NSL1: variants seen among roughly 807,000 people sequenced by gnomAD.
NSL1 encodes NSL1 component of MIS12 kinetochore complex, also known as kinetochore-associated protein NSL1 homolog.
Under a neutral mutation model 25.4 loss-of-function variants are expected in NSL1, and 11 were observed. The observed-to-expected ratio is 0.43, with a 90% confidence interval of 0.27 to 0.72. The LOEUF (loss-of-function observed/expected upper bound fraction) is 0.72. NSL1 is among the 30% of genes least tolerant of loss of function. The pLI is 0.19. For synonymous variants in NSL1, 118 were observed against 120.6 expected (o/e 0.98, Z 0.14); for missense variants, 330 against 342.7 (o/e 0.96, Z 0.29).
intron 4 of NSL1, among the ~76,000 whole-genome samples, chr1:212,771,964 T>C (rs1660140235): frequency 6.6e-6 from 1 of 152,162 alleles, no homozygotes; most frequent in Non-Finnish European, 1.5e-5. Flanking sequence ...GATAATTGAA[T>C]CATGGGGGCG....
At chr1:212,746,893 C>A (rs1476399858) in intron 4 of NSL1, among the ~76,000 whole-genome samples, 1 of 152,190 alleles carries the variant, frequency 6.6e-6, no homozygotes, top group Non-Finnish European at 1.5e-5. Flanking sequence ...GGCCTGTAAT[C>A]CCAACACTTT....
chr1:212,772,911 T>C (rs1660193047), intron 4 of NSL1, among the ~76,000 whole-genome samples: 1 of 152,092 alleles, frequency 6.6e-6, no homozygotes. Context: ...AGCCACTGAT[T>C]TTCAACAAAA....
Position 212,730,444 on chromosome 1 carries a change from C to T in NSL1, c.*7964G>A, listed in dbSNP as rs992883011. 23 of 985,070 alleles carry T rather than the reference C, an allele frequency of 2.3e-5. No individual in the cohort carries two copies. In the African/African-American group the frequency reaches 3.9e-4, roughly 16 times the overall value. The allele number at this position is 985,070 out of a possible 1,614,324, so 61.0% of individuals were successfully genotyped here. The stretch of plus-strand genomic sequence containing the variant: ...CCAAGGGAGGTCTTAAAATCTGCAA[C>T]TAGGTATGAGCCCAAAGGCACTGGA... On this transcript the variant is annotated 3_prime_UTR_variant, in exon 6 of 6. Coordinates refer to ENST00000366977, the MANE Select transcript of NSL1 (RefSeq NM_015471.4).
intron 1 of NSL1, among the ~76,000 whole-genome samples, chr1:212,789,868 A>G (rs900372186): frequency 1.3e-5 from 2 of 152,230 alleles, no homozygotes; most frequent in African/African-American, 4.8e-5. Flanking sequence ...ATTATACAAC[A>G]AAAGTCTTCT....
At position 212,737,413 on chromosome 1, in the gene NSL1, G is replaced by A. The variant is rs1658272481; in HGVS notation, c.*995C>T. 1 of 984,956 alleles carries A rather than the reference G, an allele frequency of 1.0e-6. No homozygotes were observed. Among genetic ancestry groups the A allele is most frequent in the Non-Finnish European group, 1.2e-6 (1 of 829,624 alleles). 61.0% of individuals were successfully genotyped at this position (984,956 alleles called of 1,614,324 possible). A position where few individuals can be genotyped will look rare whatever the true frequency, so the allele number is the denominator to read the frequency against. Reference sequence around the variant, plus strand: ...TTGAAAAATGAATGAAGGTATCAGAGTCATCAAAAGGGGAAACAGTTGGTA... The same window carrying A: ...TTGAAAAATGAATGAAGGTATCAGAATCATCAAAAGGGGAAACAGTTGGTA... On this transcript the variant is annotated 3_prime_UTR_variant, in exon 6 of 6. Transcript: ENST00000366977.
intron 4 of NSL1, among the ~76,000 whole-genome samples, chr1:212,766,555 G>A (rs1349003442): frequency 6.6e-6 from 1 of 151,336 alleles, no homozygotes; most frequent in African/African-American, 2.4e-5. Context: ...TGAGGCAGGA[G>A]AATGGTGTGA....
chr1:212,789,831 A>G (rs1661099175), intron 1 of NSL1, among the ~76,000 whole-genome samples: 1 of 152,184 alleles, frequency 6.6e-6, no homozygotes, highest in African/African-American at 2.4e-5. Flanking sequence ...ATACCTTAGC[A>G]TTTCCTAGAA....
chr1:212,736,416 C>T lies in NSL1; in HGVS notation c.*1992G>A, dbSNP rs1658234854. On this transcript the variant is annotated 3_prime_UTR_variant, in exon 6 of 6. Coordinates refer to ENST00000366977, the MANE Select transcript of NSL1 (RefSeq NM_015471.4). The stretch of plus-strand genomic sequence containing the variant: ...TTTGATTTTCAATTTTTTCCTTCAA[C>T]CTTTCCAATTCCTTAAAACTACAGA... 6 of 985,140 alleles carry T rather than the reference C, an allele frequency of 6.1e-6. No homozygotes were observed. In the South Asian group the frequency reaches 2.3e-4, roughly 39 times the overall value. The allele number at this position is 985,140 out of a possible 1,614,324, so 61.0% of individuals were successfully genotyped here.
intron 1 of NSL1, among the ~76,000 whole-genome samples, chr1:212,789,171 GA>G (rs1275771041): frequency 1.3e-5 from 2 of 152,084 alleles, no homozygotes; most frequent in African/African-American, 4.8e-5. Context: ...ACATTTCAAA[GA>G]TTTCATAAAG....
chr1:212,772,619 G>T (rs1660174176), intron 4 of NSL1, among the ~76,000 whole-genome samples: 1 of 152,176 alleles, frequency 6.6e-6, no homozygotes, highest in Non-Finnish European at 1.5e-5. Context: ...CAAGGTTGCA[G>T]TGAGCTGAGA....
chr1:212,747,306 G>T (rs1179851802), intron 4 of NSL1, among the ~76,000 whole-genome samples: 2 of 152,152 alleles, frequency 1.3e-5, no homozygotes, highest in Non-Finnish European at 2.9e-5. Context: ...CTTCTGTCTT[G>T]GGTATTCATT....
At chr1:212,780,094 G>C (rs1398948205) in intron 4 of NSL1, among the ~76,000 whole-genome samples, 1 of 151,966 alleles carries the variant, frequency 6.6e-6, no homozygotes, top group South Asian at 2.1e-4. Flanking sequence ...TTGAGAAATC[G>C]GATGGTTGCC....
intron 4 of NSL1, among the ~76,000 whole-genome samples, chr1:212,761,790 T>A (rs879931986): frequency 1.3e-5 from 2 of 151,852 alleles, no homozygotes; most frequent in Admixed American, 1.3e-4. Flanking sequence ...GATATCATTT[T>A]AAAAAATCAA....
chr1:212,744,758 G>A (rs1571869522), intron 4 of NSL1, among the ~76,000 whole-genome samples: 1 of 152,158 alleles, frequency 6.6e-6, no homozygotes, highest in South Asian at 2.1e-4. Flanking sequence ...TTCAACAGCA[G>A]ATTTGGGCAG....
chr1:212,754,287 G>A (rs1659196764), intron 4 of NSL1, among the ~76,000 whole-genome samples: 1 of 152,102 alleles, frequency 6.6e-6, no homozygotes, highest in Non-Finnish European at 1.5e-5. Context: ...CAGAAAAAAA[G>A]GAGAAGAGAA....
In NSL1 at chr1:212,745,191, T is replaced by TATATATGC. The variant is rs1658725718; in HGVS notation, c.500-5591_500-5590insGCATATAT. Reference sequence around the variant, plus strand: ...ATATATATATATATATATATATATATATATATATATATGCATATGCATATG... The same window carrying TATATATGC: ...ATATATATATATATATATATATATATATATATGCATATATATATATGCATATGCATATG... On this transcript the variant is annotated intron_variant, in intron 4 of 5. Transcript: ENST00000366977. 1.9e-4 allele frequency among the ~76,000 whole-genome samples: 4 copies of TATATATGC among 21,494 alleles called. No homozygotes were observed. In the South Asian group the frequency reaches 6.5e-3, roughly 35 times the overall value. The allele number at this position is 21,494 out of a possible 152,430, so 14.1% of individuals were successfully genotyped here. A position where few individuals can be genotyped will look rare whatever the true frequency, so the allele number is the denominator to read the frequency against.
chr1:212,755,249 G>C (rs1371178216), intron 4 of NSL1, among the ~76,000 whole-genome samples: 1 of 151,812 alleles, frequency 6.6e-6, no homozygotes, highest in African/African-American at 2.4e-5. Flanking sequence ...AAGAAAAATA[G>C]GTTATAAAAT....
Position 212,760,021 on chromosome 1 carries a change from T to G in NSL1, c.500-20420A>C, listed in dbSNP as rs1444845066. ...ATCCTGATAATCACCCTGCCCTATCTGTCATGGTGGGTGTGTGAGCACATC... is the reference window on the plus strand; with the variant it reads ...ATCCTGATAATCACCCTGCCCTATCGGTCATGGTGGGTGTGTGAGCACATC... On this transcript the variant is annotated intron_variant, in intron 4 of 5. Coordinates refer to ENST00000366977, the MANE Select transcript of NSL1 (RefSeq NM_015471.4). The surrounding 1 kb of genome is among the most constrained non-coding windows in gnomAD (Gnocchi z 4.3). 6.6e-6 allele frequency among the ~76,000 whole-genome samples: 1 copy of G among 151,744 alleles called. No homozygotes were observed. Among genetic ancestry groups the G allele is most frequent in the Admixed American group, 6.6e-5 (1 of 15,234 alleles).
At chr1:212,759,806 T>A (rs1225248133) in intron 4 of NSL1, among the ~76,000 whole-genome samples, 5 of 151,932 alleles carry the variant, frequency 3.3e-5, no homozygotes, top group African/African-American at 1.2e-4. Context: ...GCCTACACAG[T>A]GTCCTACACC....
Sources: gnomAD v4.1 joint callset for allele counts (sites outside exome capture counted in the v4.1 genomes callset) on GRCh38, gnomAD v4.1.1 for gene constraint, Gnocchi (gnomAD v3.1) non-coding constraint, MANE v1.5 for transcripts, NCBI Gene and HGNC (gene_info 2026-07-23, HGNC 2026-07-21) for gene names.